The following EEF2K variants were observed in gnomAD, a reference collection of about 807,000 sequenced individuals.
The protein encoded by EEF2K is alternative protein EEF2K.
In EEF2K, 70 loss-of-function variants were observed where a neutral mutation model predicts 93.8. The ratio of observed to expected loss-of-function variants is 0.75; its 90% CI spans 0.62 to 0.91. EEF2K has a LOEUF of 0.91. Among genes scored for constraint, EEF2K ranks in the 40% least tolerant of loss-of-function variants. EEF2K has a pLI of 0.00. For synonymous variants in EEF2K, 376 were observed against 380.8 expected, an observed-to-expected ratio of 0.99 and a Z score of 0.15; for missense variants, 935 against 972.9, an observed-to-expected ratio of 0.96 and a Z score of 0.52.
chr16:22,231,998 C>CAAAAAAAAAAAAAAAAAAAAA, intron 2 of EEF2K, among the ~76,000 whole-genome samples: 1 of 65,988 alleles, frequency 1.5e-5, no homozygotes, highest in Non-Finnish European at 2.8e-5. Flanking sequence ...CTTAAACAAA[C>CAAAAAAAAAAAAAAAAAAAAA]AAAAAAAAAA....
At chr16:22,249,712 A>C (rs564618182) in intron 4 of EEF2K, among the ~76,000 whole-genome samples, 1 of 152,042 alleles carries the variant, frequency 6.6e-6, no homozygotes, top group Non-Finnish European at 1.5e-5. Flanking sequence ...GGCTCAAGCA[A>C]TTATCCCACC....
rs1437658043 is a variant in EEF2K, at chr16:22,221,692, T to A, written c.-76-3962T>A. On this transcript the variant is annotated intron_variant, in intron 1 of 17. Transcript: ENST00000263026. ...GAATTATTGGTTTGATGTAAAAAAA[T>A]TTTTAAACTAATTTACTTACTATTT... Among the ~76,000 whole-genome samples, 15 of 152,256 alleles carry A rather than the reference T, an allele frequency of 9.9e-5. No individual in the cohort carries two copies. In the East Asian group the frequency reaches 2.1e-3, roughly 22 times the overall value.
At position 22,207,814 on chromosome 16, in the gene EEF2K, G is replaced by A. The variant is rs78465011; in HGVS notation, c.-77+1135G>A. 8.4e-3 allele frequency among the ~76,000 whole-genome samples: 1,283 copies of A among 152,312 alleles called. 18 individuals carry two copies. Among genetic ancestry groups the A allele is most frequent in the African/African-American group, 0.028 (1,162 of 41,566 alleles). On this transcript the variant is annotated intron_variant, in intron 1 of 17. Coordinates refer to ENST00000263026, the MANE Select transcript of EEF2K (RefSeq NM_013302.5). ...GCGAGATGGAGTAAATGGGAATACA[G>A]AGCAAGCAGGTGGGAGCTGAGAATG...
chr16:22,246,131 C>A (rs1438661265), intron 3 of EEF2K, among the ~76,000 whole-genome samples: 1 of 152,144 alleles, frequency 6.6e-6, no homozygotes, highest in Non-Finnish European at 1.5e-5. Flanking sequence ...TTCCCATGAA[C>A]CCCTCCTTGG....
chr16:22,266,169 C>A (rs2047515477), intron 13 of EEF2K, among the ~76,000 whole-genome samples: 1 of 151,888 alleles, frequency 6.6e-6, no homozygotes, highest in South Asian at 2.1e-4. Context: ...TTGCAGTGAG[C>A]CGAGATTGTG....
Position 22,280,207 on chromosome 16 carries a change from C to A in EEF2K, c.1899C>A (p.Asp633Glu). Residue 633 changes from aspartate to glutamate, a missense_variant, in exon 17 of 18, where the codon GAC (aspartate) becomes GAA (glutamate). Physicochemically the swap from Asp to Glu is conservative, Grantham distance 45. Transcript: ENST00000263026. ...GQNLSPDRCQ[D>E]WLEALHWYNT... ...TGTATCTCCTGGCAAGGTGCCAAGA[C>A]TGGCTAGAGGCCCTGCACTGGTACA... 6.6e-7 allele frequency: 1 copy of A among 1,507,460 alleles called. No individual in the cohort carries two copies. Among genetic ancestry groups the A allele is most frequent in the Non-Finnish European group, 8.9e-7 (1 of 1,124,058 alleles). 93.4% of individuals were successfully genotyped at this position (1,507,460 alleles called of 1,614,324 possible).
rs187561861 is a variant in EEF2K at position 22,257,843 on chromosome 16, G to A, written c.1029+73G>A. On this transcript the variant is annotated intron_variant, in intron 9 of 17. Coordinates refer to ENST00000263026, the MANE Select transcript of EEF2K (RefSeq NM_013302.5). ...CTTGCAAAGCAAGCCCTGCTCCCCT[G>A]TGTGGTGACAGCCAGGTCAAGCAGT... 4.3e-3 allele frequency: 6,830 copies of A among 1,573,230 alleles called. 19 individuals carry two copies. The highest frequency in any genetic ancestry group is 5.3e-3 in the Non-Finnish European group (6,116 of 1,162,174).
intron 9 of EEF2K, 75 bp from the exon 10 acceptor site, chr16:22,258,419 A>G (rs2141674778): frequency 6.7e-7 from 1 of 1,492,320 alleles, no homozygotes; most frequent in African/African-American, 1.4e-5. Context: ...TCAGGGTTAG[A>G]GGGAACAACA....
intron 2 of EEF2K, among the ~76,000 whole-genome samples, chr16:22,226,738 C>T (rs1050036967): frequency 3.3e-5 from 5 of 151,980 alleles, no homozygotes; most frequent in East Asian, 3.9e-4. Flanking sequence ...TGAACTACCA[C>T]GCCCAGCCAC....
intron 14 of EEF2K, 51 bp from the exon 15 acceptor site, chr16:22,266,637 G>A (rs1156786764): frequency 4.4e-6 from 7 of 1,586,638 alleles, no homozygotes; most frequent in Non-Finnish European, 6.0e-6. Context: ...GGTCTTGGGT[G>A]CGGCTTTGGC....
intron 11 of EEF2K, among the ~76,000 whole-genome samples, chr16:22,262,462 A>T (rs2047475162): frequency 6.6e-6 from 1 of 152,130 alleles, no homozygotes; most frequent in Non-Finnish European, 1.5e-5. Context: ...GTGAGCTGAG[A>T]TCGTGCCACT....
intron 16 of EEF2K, 61 bp downstream of exon 16, chr16:22,273,811 C>A: frequency 6.3e-7 from 1 of 1,595,130 alleles, no homozygotes; most frequent in Non-Finnish European, 8.5e-7. Flanking sequence ...GGGCGCTTGT[C>A]CTCGGTATCA....
chr16:22,260,357 A>T, intron 10 of EEF2K, 105 bp from the exon 11 acceptor site: 1 of 1,133,640 alleles, frequency 8.8e-7, no homozygotes, highest in East Asian at 2.4e-5. Context: ...GCTTAAAAAA[A>T]AAAAAAGGCT....
At position 22,263,163 on chromosome 16, in the gene EEF2K, G is replaced by A. The variant is rs1379288186; in HGVS notation, c.1353G>A (p.Leu451=). 8 of 1,612,676 alleles carry A rather than the reference G, an allele frequency of 5.0e-6. No homozygotes were observed. Among genetic ancestry groups the A allele is most frequent in the Non-Finnish European group, 6.8e-6 (8 of 1,179,290 alleles). Residue 451 remains leucine (L), a synonymous_variant, in exon 12 of 18, where the codon CTG becomes CTA. Coordinates refer to ENST00000263026, the MANE Select transcript of EEF2K (RefSeq NM_013302.5). ...SGYPSEKRGE[L]DDPEPREHGH... is the part of the protein sequence containing the mutation. ...ACCCCAGTGAGAAGCGGGGTGAGCT[G>A]GATGACCCTGAGCCCCGAGAACATG...
chr16:22,273,711 C>A lies in EEF2K; in HGVS notation c.1850C>A (p.Ala617Glu). 1 of 1,614,030 alleles carries A rather than the reference C, an allele frequency of 6.2e-7. No individual in the cohort carries two copies. The highest frequency in any genetic ancestry group is 8.5e-7 in the Non-Finnish European group (1 of 1,179,970). Reference protein sequence around the residue: ...AGDRQSMILVARAFDSGQNLS... With the variant: ...AGDRQSMILVERAFDSGQNLS... The stretch of plus-strand genomic sequence containing the variant: ...GACAGGCAGTCCATGATCCTAGTGG[C>A]GCGAGCTTTTGACTCTGGCCAGAAC... The change falls in exon 16 of 18, where the codon GCG becomes GAG. Residue 617 changes from alanine to glutamate, a missense_variant. Transcript: ENST00000263026.
In EEF2K at chr16:22,266,884, G is replaced by A. The variant is rs2047530014; in HGVS notation, c.1764+8G>A. 1 of 1,594,326 alleles carries A rather than the reference G, an allele frequency of 6.3e-7. No homozygotes were observed. The highest frequency in any genetic ancestry group is 8.6e-7 in the Non-Finnish European group (1 of 1,166,882). ...GCCGATGTCTCTCTGAAGGTGAGCA[G>A]GTGGCGGGGACCCAGCTGCAGGTGG... On this transcript the variant is annotated splice_region_variant and intron_variant, in intron 15 of 17. Transcript: ENST00000263026.
In EEF2K at chr16:22,263,176, C is replaced by T; in HGVS notation, c.1366C>T (p.Pro456Ser). Residue 456 changes from proline (P) to serine (S), a missense_variant, in exon 12 of 18, where the codon CCC becomes TCC. Coordinates refer to ENST00000263026, the MANE Select transcript of EEF2K (RefSeq NM_013302.5). ...GCGGGGTGAGCTGGATGACCCTGAG[C>T]CCCGAGAACATGTAAGGAACCCCCA... ...EKRGELDDPE[P>S]REHGHSYSNR... The T allele has an allele frequency of 6.2e-7, 1 of 1,611,802 alleles. No individual in the cohort carries two copies. Among genetic ancestry groups the T allele is most frequent in the Non-Finnish European group, 8.5e-7 (1 of 1,178,874 alleles).
chr16:22,208,594 G>A (rs559764419), intron 1 of EEF2K, among the ~76,000 whole-genome samples: 2 of 152,076 alleles, frequency 1.3e-5, no homozygotes, highest in East Asian at 1.9e-4. Flanking sequence ...AGTACTTTTT[G>A]GCTGATTACG....
intron 6 of EEF2K, among the ~76,000 whole-genome samples, chr16:22,253,379 C>T (rs987290653): frequency 9.2e-5 from 14 of 152,142 alleles, no homozygotes; most frequent in African/African-American, 2.7e-4. Context: ...TTGAGGCAGG[C>T]GCAAGAAGCC....
Sources: gnomAD v4.1 joint callset for allele counts (sites outside exome capture counted in the v4.1 genomes callset) on GRCh38, gnomAD v4.1.1 for gene constraint, MANE v1.5 for transcripts, NCBI Gene and HGNC (gene_info 2026-07-23, HGNC 2026-07-21) for gene names.